The following EGFR variants were observed in gnomAD, a reference collection of about 807,000 sequenced individuals.
EGFR encodes avian erythroblastic leukemia viral (v-erb-b) oncogene homolog.
A neutral mutation model predicts 143.0 loss-of-function variants in EGFR; 58 were observed. The observed-to-expected ratio is 0.41, with a 90% CI of 0.33 to 0.50. The LOEUF (loss-of-function observed/expected upper bound fraction) is 0.50. Ranked by LOEUF, EGFR falls within the 20% of genes least tolerant of loss-of-function variation. EGFR has a pLI of 0.39. For missense variants in EGFR, 1,307 were observed against 1,579.0 expected, an observed-to-expected ratio of 0.83 and a Z score of 2.92; for synonymous variants, 613 against 594.4, an observed-to-expected ratio of 1.03 and a Z score of -0.45.
intron 1 of EGFR, among the ~76,000 whole-genome samples, chr7:55,023,354 A>T (rs1332061876): frequency 6.6e-6 from 1 of 152,206 alleles, no homozygotes; most frequent in South Asian, 2.1e-4. Flanking sequence ...TATAATTTTT[A>T]AAACCAGATT....
chr7:55,109,898 T>G (rs1292084847), intron 1 of EGFR: 1 of 985,460 alleles, frequency 1.0e-6, no homozygotes, highest in Non-Finnish European at 1.2e-6. Flanking sequence ...GTTGTGCATT[T>G]GCTGTGGGTT....
chr7:55,171,046 C>T, intron 15 of EGFR, 129 bp from the exon 16 acceptor site: 5 of 1,526,998 alleles, frequency 3.3e-6, no homozygotes, highest in Non-Finnish European at 4.4e-6. Flanking sequence ...AACATCCAGA[C>T]ACATAGTGAT....
At chr7:55,198,608 T>C (rs1333179382) in intron 22 of EGFR, 109 bp from the exon 23 acceptor site, 15 of 1,542,522 alleles carry the variant, frequency 9.7e-6, no homozygotes, top group Non-Finnish European at 1.3e-5. Flanking sequence ...TACAGAAATG[T>C]AGGTTTCTAA....
At chr7:55,125,350 A>G (rs1280195873) in intron 1 of EGFR, among the ~76,000 whole-genome samples, 4 of 152,250 alleles carry the variant, frequency 2.6e-5, no homozygotes, top group Non-Finnish European at 2.9e-5. Flanking sequence ...TTAAAAAATT[A>G]TAAGAAAAAA....
chr7:55,111,551 T>G lies in EGFR; in HGVS notation c.89-30735T>G, dbSNP rs1053793985. Among the ~76,000 whole-genome samples, 3 of 152,304 alleles carry G rather than the reference T, an allele frequency of 2.0e-5. No individual in the cohort carries two copies. In the South Asian group the frequency reaches 6.2e-4, roughly 32 times the overall value. ...GCTCAAAATACTGTCTAAAAAACAC[T>G]AAAAATCATGTTACTTTCTAGATTG... On this transcript the variant is annotated intron_variant, in intron 1 of 27. Transcript: ENST00000275493.
chr7:55,096,371 C>A (rs1218668890), intron 1 of EGFR, among the ~76,000 whole-genome samples: 1 of 152,234 alleles, frequency 6.6e-6, no homozygotes, highest in South Asian at 2.1e-4. Flanking sequence ...AAATTTGCTG[C>A]TGAGTTAACT....
At chr7:55,095,649 T>A (rs1375111090) in intron 1 of EGFR, among the ~76,000 whole-genome samples, 1 of 151,408 alleles carries the variant, frequency 6.6e-6, no homozygotes, top group East Asian at 1.9e-4. Context: ...CACACAGAGT[T>A]ACACACAGAC....
At chr7:55,138,672 A>C (rs1246305020) in intron 1 of EGFR, among the ~76,000 whole-genome samples, 1 of 152,266 alleles carries the variant, frequency 6.6e-6, no homozygotes, top group Non-Finnish European at 1.5e-5. Context: ...CTCAATAGTT[A>C]ACTTTAATAA....
At position 55,201,795 on chromosome 7, in the gene EGFR, A is replaced by T; in HGVS notation, c.3162+13A>T. 1 of 1,614,080 alleles carries T rather than the reference A, an allele frequency of 6.2e-7. No individual in the cohort carries two copies. Among genetic ancestry groups the T allele is most frequent in the East Asian group, 2.2e-5 (1 of 44,888 alleles). On this transcript the variant is annotated intron_variant, in intron 26 of 27. Coordinates refer to ENST00000275493, the MANE Select transcript of EGFR (RefSeq NM_005228.5). ...TGATAGAAATGGGGTATGTATGAAC[A>T]CCTTATAAGCCAGAATTTACAGCTC...
At chr7:55,170,616 C>G in intron 15 of EGFR, 1 of 1,604,514 alleles carries the variant, frequency 6.2e-7, no homozygotes, top group East Asian at 2.2e-5. Context: ...CCGCCAGGTT[C>G]CCAAGAGTAT....
At chr7:55,121,012 A>G (rs1793168423) in intron 1 of EGFR, among the ~76,000 whole-genome samples, 1 of 152,162 alleles carries the variant, frequency 6.6e-6, no homozygotes, top group Non-Finnish European at 1.5e-5. Context: ...GGGGAAAGAG[A>G]TAAGTGGATC....
chr7:55,091,713 A>C (rs1260522493), intron 1 of EGFR, among the ~76,000 whole-genome samples: 3 of 152,150 alleles, frequency 2.0e-5, no homozygotes, highest in Admixed American at 2.0e-4. Context: ...CACTTAAACA[A>C]TGGCAGGCTT....
chr7:55,028,634 T>C (rs933857466), intron 1 of EGFR, among the ~76,000 whole-genome samples: 1 of 152,214 alleles, frequency 6.6e-6, no homozygotes, highest in Non-Finnish European at 1.5e-5. Flanking sequence ...CTGTAAGCCA[T>C]TGTAAATGCT....
rs1217243508 is a variant in EGFR at position 55,207,517 on chromosome 7, C to G, written c.*1900C>G. ...TGCCAGACAGGACCCATCAGCCAGGCACTGTGAGAGCACAGAGCAGGGAGG... is the reference window on the plus strand; with the variant it reads ...TGCCAGACAGGACCCATCAGCCAGGGACTGTGAGAGCACAGAGCAGGGAGG... On this transcript the variant is annotated 3_prime_UTR_variant, in exon 28 of 28. Coordinates refer to ENST00000275493, the MANE Select transcript of EGFR (RefSeq NM_005228.5). 1 of 178,448 alleles carries G rather than the reference C, an allele frequency of 5.6e-6. No individual in the cohort carries two copies. The highest frequency in any genetic ancestry group is 1.2e-5 in the Non-Finnish European group (1 of 83,190). The allele number at this position is 178,448 out of a possible 1,614,324, so 11.1% of individuals were successfully genotyped here. A position where few individuals can be genotyped will look rare whatever the true frequency, so the allele number is the denominator to read the frequency against.
At chr7:55,113,894 C>A (rs1228835022) in intron 1 of EGFR, among the ~76,000 whole-genome samples, 1 of 152,128 alleles carries the variant, frequency 6.6e-6, no homozygotes, top group African/African-American at 2.4e-5. Flanking sequence ...CTGCTGGGGG[C>A]TTTGAGCAGC....
chr7:55,079,626 G>A lies in EGFR; in HGVS notation c.88+60261G>A, dbSNP rs78077110. Among the ~76,000 whole-genome samples the A allele has an allele frequency of 6.0e-4, 92 of 152,090 alleles. 2 individuals are homozygous for A. The East Asian group carries it at 0.016, about 26-fold the overall frequency. On this transcript the variant is annotated intron_variant, in intron 1 of 27. Transcript: ENST00000275493. Reference sequence around the variant, plus strand: ...TTTGTTCGTTTTCAAAATACTGCACGGTTTATCGTGAAGACAGGGTCCTTT... The same window carrying A: ...TTTGTTCGTTTTCAAAATACTGCACAGTTTATCGTGAAGACAGGGTCCTTT...
chr7:55,138,948 A>G (rs1794307323), intron 1 of EGFR, among the ~76,000 whole-genome samples: 1 of 152,166 alleles, frequency 6.6e-6, no homozygotes, highest in Non-Finnish European at 1.5e-5. Flanking sequence ...GAAGAGAAAA[A>G]GCGGGTTTAA....
Position 55,206,181 on chromosome 7 carries a change from G to A in EGFR, c.*564G>A, listed in dbSNP as rs192601649. The stretch of plus-strand genomic sequence containing the variant: ...GGCCCCAGCAGGCCGGATCGGTACT[G>A]TATCAAGTCATGGCAGGTACAGTAG... On this transcript the variant is annotated 3_prime_UTR_variant, in exon 28 of 28. Coordinates refer to ENST00000275493, the MANE Select transcript of EGFR (RefSeq NM_005228.5). The A allele has an allele frequency of 1.3e-4, 34 of 259,750 alleles. No homozygotes were observed. Among genetic ancestry groups the A allele is most frequent in the African/African-American group, 6.4e-4 (29 of 45,504 alleles). The allele number at this position is 259,750 out of a possible 1,614,324, so 16.1% of individuals were successfully genotyped here. A position where few individuals can be genotyped will look rare whatever the true frequency, so the allele number is the denominator to read the frequency against.
chr7:55,173,150 A>G lies in EGFR; in HGVS notation c.2061+26A>G, dbSNP rs1418589576. ...GTGAGTGCCAGTCCTGGGTGGGCTC[A>G]GGAGCCCTCGCACCCCGACAGGAAC... is the stretch of plus-strand genomic sequence containing the variant. On this transcript the variant is annotated intron_variant, in intron 17 of 27. Coordinates refer to ENST00000275493, the MANE Select transcript of EGFR (RefSeq NM_005228.5). The G allele has an allele frequency of 5.6e-6, 9 of 1,605,510 alleles. No homozygotes were observed. The Admixed American group carries it at 1.5e-4, about 27-fold the overall frequency.
Sources: gnomAD v4.1 joint callset for allele counts (sites outside exome capture counted in the v4.1 genomes callset) on GRCh38, gnomAD v4.1.1 for gene constraint, MANE v1.5 for transcripts, NCBI Gene and HGNC (gene_info 2026-07-23, HGNC 2026-07-21) for gene names.